The following JMJD1C variants were observed in gnomAD, a reference collection of about 807,000 sequenced individuals.
JMJD1C encodes the protein jumonji domain-containing protein 1C.
JMJD1C carries 31 observed loss-of-function variants against 245.3 expected under a neutral mutation model. That is an observed-to-expected ratio of 0.13 (90% CI 0.09 to 0.17). JMJD1C has a LOEUF of 0.17. Ranked by LOEUF, JMJD1C falls within the 10% of genes least tolerant of loss-of-function variation. The pLI is 1.00. For missense variants in JMJD1C, 2,691 were observed against 3,000.2 expected, an observed-to-expected ratio of 0.90 and a Z score of 2.41; for synonymous variants, 1,057 against 1,017.4, an observed-to-expected ratio of 1.04 and a Z score of -0.74.
chr10:63,427,307 AT>A, intron 1 of JMJD1C: 1 of 881,162 alleles, frequency 1.1e-6, no homozygotes, highest in Non-Finnish European at 1.6e-6. Flanking sequence ...ATGGTGAAGT[AT>A]TTCCTGGGCC....
intron 2 of JMJD1C, among the ~76,000 whole-genome samples, chr10:63,349,261 C>T (rs1944131178): frequency 6.6e-6 from 1 of 152,092 alleles, no homozygotes; most frequent in African/African-American, 2.4e-5. Flanking sequence ...GCCAAAAAAA[C>T]TTCTTTTCTT....
chr10:63,469,760 G>A (rs77610945), upstream of JMJD1C, among the ~76,000 whole-genome samples: 1,184 of 152,220 alleles, frequency 7.8e-3, 7 homozygotes, highest in Non-Finnish European at 0.014. Context: ...ATAATGGACT[G>A]CGTTTATGAA....
At chr10:63,484,901 A>T (rs191023827) in intron 1 of JMJD1C, among the ~76,000 whole-genome samples, 2 of 152,028 alleles carry the variant, frequency 1.3e-5, no homozygotes, top group East Asian at 3.9e-4. Flanking sequence ...CCACTACTGC[A>T]AGGCCCTAGA....
At chr10:63,387,328 T>G (rs765722656) in intron 1 of JMJD1C, among the ~76,000 whole-genome samples, 9 of 152,044 alleles carry the variant, frequency 5.9e-5, no homozygotes, top group Non-Finnish European at 1.2e-4. Context: ...CAACAACAGA[T>G]TCCAATCAAA....
At chr10:63,281,924 ATG>A (rs1163936150) in intron 2 of JMJD1C, among the ~76,000 whole-genome samples, 1 of 152,186 alleles carries the variant, frequency 6.6e-6, no homozygotes, top group East Asian at 1.9e-4. Context: ...CTAAAATAAA[ATG>A]TCCTCAATCT....
chr10:63,406,312 T>C (rs576071416), intron 1 of JMJD1C, among the ~76,000 whole-genome samples: 1 of 152,308 alleles, frequency 6.6e-6, no homozygotes, highest in African/African-American at 2.4e-5. Context: ...ATTAGGCATG[T>C]ATGCATCTCC....
At chr10:63,420,795 A>C (rs908757119) in intron 1 of JMJD1C, among the ~76,000 whole-genome samples, 16 of 151,902 alleles carry the variant, frequency 1.1e-4, no homozygotes, top group Non-Finnish European at 2.1e-4. Context: ...AGAGAACTGC[A>C]AAACAGACAA....
chr10:63,321,406 G>A (rs1940846536), intron 2 of JMJD1C, among the ~76,000 whole-genome samples: 1 of 152,184 alleles, frequency 6.6e-6, no homozygotes, highest in Non-Finnish European at 1.5e-5. Flanking sequence ...GTGAGATTGA[G>A]TCCTCAATCA....
At chr10:63,183,097 G>A (rs1458888648) in intron 22 of JMJD1C, among the ~76,000 whole-genome samples, 1 of 152,162 alleles carries the variant, frequency 6.6e-6, no homozygotes, top group Non-Finnish European at 1.5e-5. Context: ...CTGACCTCCA[G>A]TGATTCACCT....
chr10:63,504,852 C>CA (rs1564976054), intron 1 of JMJD1C, among the ~76,000 whole-genome samples: 1 of 152,122 alleles, frequency 6.6e-6, no homozygotes, highest in Admixed American at 6.5e-5. Flanking sequence ...CCTGTCTCTA[C>CA]AAAAAATAAA....
chr10:63,369,141 CTCTT>C (rs1169161311), intron 2 of JMJD1C, among the ~76,000 whole-genome samples: 1 of 150,554 alleles, frequency 6.6e-6, no homozygotes, highest in East Asian at 1.9e-4. Flanking sequence ...TGTTTTCTTT[CTCTT>C]TCTCTCTCTC....
chr10:63,284,857 TCACACACACA>T (rs57860875), intron 2 of JMJD1C, among the ~76,000 whole-genome samples: 30,730 of 135,258 alleles, frequency 0.23, 3,374 homozygotes, highest in Middle Eastern at 0.25. Context: ...CAGGGAAGAT[TCACACACACA>T]CACACACACA....
chr10:63,238,301 C>T (rs1014375626), intron 3 of JMJD1C, among the ~76,000 whole-genome samples: 5 of 150,824 alleles, frequency 3.3e-5, no homozygotes, highest in Admixed American at 2.6e-4. Context: ...GTACTCTTTA[C>T]GATGCCTTTC....
In JMJD1C at chr10:63,206,556, G is replaced by C. The variant is rs761410435; in HGVS notation, c.5074+39C>G. On this transcript the variant is annotated intron_variant, in intron 10 of 25. Transcript: ENST00000399262. ...CACACTAGTATAGCTAAAACATTCAGCCCATTTTACCTGAGATAAAACAAA... is the reference window on the plus strand; with the variant it reads ...CACACTAGTATAGCTAAAACATTCACCCCATTTTACCTGAGATAAAACAAA... 24 of 1,482,050 alleles carry C rather than the reference G, an allele frequency of 1.6e-5. No homozygotes were observed. In the Admixed American group the frequency reaches 4.9e-4, roughly 30 times the overall value. 91.8% of individuals were successfully genotyped at this position (1,482,050 alleles called of 1,614,324 possible). A position where few individuals can be genotyped will look rare whatever the true frequency, so the allele number is the denominator to read the frequency against.
chr10:63,372,598 A>G (rs1946399432), intron 2 of JMJD1C, among the ~76,000 whole-genome samples: 1 of 152,148 alleles, frequency 6.6e-6, no homozygotes, highest in Non-Finnish European at 1.5e-5. Context: ...AAAACTTGTG[A>G]TAACTCCCAG....
chr10:63,412,879 A>G (rs1949569046), intron 1 of JMJD1C, among the ~76,000 whole-genome samples: 1 of 152,220 alleles, frequency 6.6e-6, no homozygotes, highest in Non-Finnish European at 1.5e-5. Context: ...ATATTTTGCA[A>G]TATATTTATT....
At chr10:63,392,970 A>G (rs1439320820) in intron 1 of JMJD1C, among the ~76,000 whole-genome samples, 1 of 151,368 alleles carries the variant, frequency 6.6e-6, no homozygotes, top group Non-Finnish European at 1.5e-5. Flanking sequence ...CCAACACCGT[A>G]TATGAAAAAA....
intron 3 of JMJD1C, among the ~76,000 whole-genome samples, chr10:63,243,534 A>AT (rs140973916): frequency 6.6e-6 from 1 of 152,072 alleles, no homozygotes; most frequent in Non-Finnish European, 1.5e-5. Flanking sequence ...CTCAAAAAAA[A>AT]TTTTTTTTCA....
intron 2 of JMJD1C, among the ~76,000 whole-genome samples, chr10:63,300,372 TAGATACAAATAAG>T (rs1859940334): frequency 1.3e-5 from 2 of 149,968 alleles, no homozygotes; most frequent in Admixed American, 1.3e-4. Flanking sequence ...TTTGTTTGTC[TAGATACAAATAAG>T]AGATTTACAC....
Sources: gnomAD v4.1 joint callset for allele counts (sites outside exome capture counted in the v4.1 genomes callset) on GRCh38, gnomAD v4.1.1 for gene constraint, MANE v1.5 for transcripts, NCBI Gene and HGNC (gene_info 2026-07-23, HGNC 2026-07-21) for gene names.